RBBP4: variants seen among roughly 807,000 people sequenced by gnomAD.
RBBP4 encodes histone-binding protein RBBP4.
A neutral mutation model predicts 57.2 loss-of-function variants in RBBP4; 3 were observed. The ratio of observed to expected loss-of-function variants is 0.05; its 90% CI spans 0.02 to 0.14. The LOEUF is 0.14. Among genes scored for constraint, RBBP4 ranks in the 10% least tolerant of loss-of-function variants. The pLI, the probability that RBBP4 is intolerant of heterozygous loss-of-function variation, is 1.00. For missense variants in RBBP4, 107 were observed against 520.6 expected (o/e 0.21, Z 7.73); for synonymous variants, 151 against 171.5 (o/e 0.88, Z 0.93).
chr1:32,681,902 A>C lies in RBBP4; in HGVS notation c.*2197A>C. On this transcript the variant is annotated 3_prime_UTR_variant, in exon 12 of 12. Transcript: ENST00000373493. ...AAAAGTTTATAACAGTGAACTTCTG[A>C]GGTTTAGTTACTGCAGGCTTTGTTG... 1 of 1,560,100 alleles carries C rather than the reference A, an allele frequency of 6.4e-7. No individual in the cohort carries two copies.
In RBBP4 at chr1:32,672,916, A is replaced by G; in HGVS notation, c.1212+15A>G. ...TGTGGCAAATGGTAAGGGTTTAGTAATTTATTTTGGGGAGGTGAAATAAGT... is the reference window on the plus strand; with the variant it reads ...TGTGGCAAATGGTAAGGGTTTAGTAGTTTATTTTGGGGAGGTGAAATAAGT... On this transcript the variant is annotated intron_variant, in intron 11 of 11. Transcript: ENST00000373493. 4 of 1,562,766 alleles carry G rather than the reference A, an allele frequency of 2.6e-6. No homozygotes were observed. The highest frequency in any genetic ancestry group is 2.6e-6 in the Non-Finnish European group (3 of 1,137,178).
intron 2 of RBBP4, among the ~76,000 whole-genome samples, chr1:32,655,716 C>G (rs1648111260): frequency 6.6e-6 from 1 of 152,156 alleles, no homozygotes; most frequent in Non-Finnish European, 1.5e-5. Flanking sequence ...AAGGCCTTAC[C>G]CCAACTTTCT....
Position 32,674,666 on chromosome 1 carries a change from C to G in RBBP4, c.1212+1765C>G, listed in dbSNP as rs113984064. On this transcript the variant is annotated intron_variant, in intron 11 of 11. Coordinates refer to ENST00000373493, the MANE Select transcript of RBBP4 (RefSeq NM_005610.3). ...TTCCAGGGAATAGTTTTTGACTCAT[C>G]ATGAGGAGAGGGAGGATGTTTTCAT... Among the ~76,000 whole-genome samples, 349 of 151,780 alleles carry G rather than the reference C, an allele frequency of 2.3e-3. 3 individuals are homozygous for G. Among genetic ancestry groups the G allele is most frequent in the African/African-American group, 8.0e-3 (330 of 41,384 alleles).
chr1:32,670,581 AATTTTTTTG>A (rs1648831096), intron 8 of RBBP4, among the ~76,000 whole-genome samples: 1 of 151,054 alleles, frequency 6.6e-6, no homozygotes, highest in Non-Finnish European at 1.5e-5. Flanking sequence ...TTTTTTAATT[AATTTTTTTG>A]AGACGGCATT....
At chr1:32,671,906 G>C (rs984637186) in intron 8 of RBBP4, among the ~76,000 whole-genome samples, 1 of 152,044 alleles carries the variant, frequency 6.6e-6, no homozygotes, top group East Asian at 1.9e-4. Context: ...GAAAAAGTGT[G>C]CCAAAGGGGT....
intron 3 of RBBP4, among the ~76,000 whole-genome samples, chr1:32,663,767 G>T (rs898436407): frequency 2.0e-5 from 3 of 151,142 alleles, no homozygotes; most frequent in African/African-American, 7.3e-5. Context: ...TAGTAGTGAC[G>T]GGGTTTCACG....
intron 3 of RBBP4, among the ~76,000 whole-genome samples, chr1:32,659,123 ATATACATATAAATTT>A (rs1029474028): frequency 1.4e-5 from 2 of 147,692 alleles, no homozygotes; most frequent in Non-Finnish European, 3.0e-5. Context: ...TATAATTTAT[ATATACATATAAATTT>A]TATATATATA....
rs563357085 is a variant in RBBP4, at chr1:32,669,666, G to A, written c.966+103G>A. The A allele has an allele frequency of 9.7e-6, 14 of 1,443,778 alleles. No individual in the cohort carries two copies. In the East Asian group the frequency reaches 1.3e-4, roughly 13 times the overall value. The allele number at this position is 1,443,778 out of a possible 1,614,324, so 89.4% of individuals were successfully genotyped here. On this transcript the variant is annotated intron_variant, in intron 8 of 11. Transcript: ENST00000373493. The surrounding 1 kb of genome is among the most constrained non-coding windows in gnomAD (Gnocchi z 4.9). ...AGCACTTTGGGAGGCTGAAGCGGGCGGATCACAAGGTCAGGAGATCGAGAC... is the reference window on the plus strand; with the variant it reads ...AGCACTTTGGGAGGCTGAAGCGGGCAGATCACAAGGTCAGGAGATCGAGAC...
At chr1:32,653,698 G>A (rs1452343028) in intron 2 of RBBP4, among the ~76,000 whole-genome samples, 2 of 114,838 alleles carry the variant, frequency 1.7e-5, no homozygotes, top group African/African-American at 6.6e-5. Flanking sequence ...CTCCTCTCTT[G>A]CCCAGGCTGG....
rs72878924 is a variant in RBBP4, at chr1:32,669,444, T to C, written c.889-42T>C. ...TATTTTACTTACAGTATTTTTTTTT[T>C]CTTAAAAAATTGATTACTCTTGCTT... On this transcript the variant is annotated intron_variant, in intron 7 of 11. Coordinates refer to ENST00000373493, the MANE Select transcript of RBBP4 (RefSeq NM_005610.3). This position sits in a 1 kb window ranked among gnomAD's most constrained non-coding sequence, Gnocchi z 4.9. 1,416 of 1,567,224 alleles carry C rather than the reference T, an allele frequency of 9.0e-4. 13 individuals are homozygous for C. The African/African-American group carries it at 0.018, about 20-fold the overall frequency.
chr1:32,661,870 CTTTTTTTTTTTTTT>C (rs71006354), intron 3 of RBBP4, among the ~76,000 whole-genome samples: 29 of 49,310 alleles, frequency 5.9e-4, no homozygotes, highest in Admixed American at 3.9e-3. Context: ...CCTTTGCCCA[CTTTTTTTTTTTTTT>C]TTTTTTTTTT....
In RBBP4 at chr1:32,683,739, T is replaced by A. The variant is rs1649608593; in HGVS notation, c.*4034T>A. ...ACCTCTGCCTCCTGGTTCAAGCGAT[T>A]CTCCTGCCTTGGCCTCCTGAGTAGC... On this transcript the variant is annotated 3_prime_UTR_variant, in exon 12 of 12. Coordinates refer to ENST00000373493, the MANE Select transcript of RBBP4 (RefSeq NM_005610.3). 1 of 350,438 alleles carries A rather than the reference T, an allele frequency of 2.9e-6. No homozygotes were observed. The highest frequency in any genetic ancestry group is 5.3e-6 in the Non-Finnish European group (1 of 187,146). 21.7% of individuals were successfully genotyped at this position (350,438 alleles called of 1,614,324 possible).
intron 8 of RBBP4, among the ~76,000 whole-genome samples, chr1:32,670,440 C>T (rs1022756719): frequency 3.3e-5 from 5 of 152,246 alleles, no homozygotes; most frequent in Admixed American, 2.6e-4. Flanking sequence ...TCAAGGTTAT[C>T]GCCCAGGTCT....
chr1:32,665,159 A>G (rs1218626862), intron 3 of RBBP4, among the ~76,000 whole-genome samples: 2 of 152,104 alleles, frequency 1.3e-5, no homozygotes, highest in Non-Finnish European at 2.9e-5. Context: ...CGTACCATAT[A>G]TGCCTTGTTT....
rs1054398319 is a variant in RBBP4 at position 32,684,509 on chromosome 1, A to G, written c.*4804A>G. 7.4e-7 allele frequency: 1 copy of G among 1,355,464 alleles called. No homozygotes were observed. The highest frequency in any genetic ancestry group is 2.4e-5 in the Admixed American group (1 of 41,878). The allele number at this position is 1,355,464 out of a possible 1,614,324, so 84.0% of individuals were successfully genotyped here. ...GATAGCAGTATTGAGGCTGGTATTT[A>G]TATGATAGGTTATGAAACAGGTTCA... On this transcript the variant is annotated 3_prime_UTR_variant, in exon 12 of 12. Coordinates refer to ENST00000373493, the MANE Select transcript of RBBP4 (RefSeq NM_005610.3).
intron 5 of RBBP4, 37 bp from the exon 6 acceptor site, chr1:32,668,935 A>C (rs1648761620): frequency 1.2e-6 from 2 of 1,613,450 alleles, no homozygotes; most frequent in Non-Finnish European, 1.7e-6. Context: ...GGAGGTGAGA[A>C]TCTTCCTTTT....
At chr1:32,674,506 G>A (rs1649012186) in intron 11 of RBBP4, among the ~76,000 whole-genome samples, 1 of 152,028 alleles carries the variant, frequency 6.6e-6, no homozygotes, top group Admixed American at 6.6e-5. Flanking sequence ...GGGAGTACAT[G>A]TGTGAGGCTG....
rs980528089 is a variant in RBBP4 at position 32,672,522 on chromosome 1, T to C, written c.1039T>C (p.Leu347=). The C allele has an allele frequency of 6.2e-7, 1 of 1,607,710 alleles. No homozygotes were observed. Among genetic ancestry groups the C allele is most frequent in the Non-Finnish European group, 8.5e-7 (1 of 1,174,270 alleles). ...GTDRRLNVWD[L]SKIGEEQSPE... The stretch of plus-strand genomic sequence containing the variant: ...TGATCGCAGACTGAATGTCTGGGAT[T>C]TAAGGTAATTCTTGTATTCATTCCT... Residue 347 remains leucine (L), a synonymous_variant, in exon 9 of 12, where the codon TTA becomes CTA. Coordinates refer to ENST00000373493, the MANE Select transcript of RBBP4 (RefSeq NM_005610.3).
At chr1:32,651,475 A>G (rs1647632353) in intron 1 of RBBP4, 153 bp downstream of exon 1, 2 of 1,364,576 alleles carry the variant, frequency 1.5e-6, no homozygotes, top group Non-Finnish European at 1.9e-6. Flanking sequence ...GGGCGTGCTA[A>G]CGGCTCGCCA....
Sources: allele counts gnomAD v4.1 joint callset (sites outside exome capture counted in the v4.1 genomes callset), GRCh38; gene constraint gnomAD v4.1.1; non-coding constraint Gnocchi (gnomAD v3.1); transcripts MANE v1.5; gene names NCBI Gene and HGNC (gene_info 2026-07-23, HGNC 2026-07-21).